Variants in UBR7 observed in about 807,000 individuals in gnomAD.
UBR7 encodes the protein putative E3 ubiquitin-protein ligase UBR7.
A neutral mutation model predicts 57.0 loss-of-function variants in UBR7; 22 were observed. The observed-to-expected ratio is 0.39, with a 90% confidence interval of 0.28 to 0.55. UBR7 has a LOEUF of 0.55. Ranked by LOEUF, UBR7 falls within the 20% of genes least tolerant of loss-of-function variation. The probability of loss-of-function intolerance (pLI) is 0.69; values close to 1 mark genes in which losing one functional copy is unlikely to be tolerated. For synonymous variants in UBR7, 167 were observed against 179.8 expected (o/e 0.93, Z 0.57); for missense variants, 395 against 513.2 (o/e 0.77, Z 2.23).
chr14:93,218,273 T>C (rs10132449), intron 6 of UBR7, among the ~76,000 whole-genome samples: 27,985 of 151,750 alleles, frequency 0.18, 2,717 homozygotes, highest in African/African-American at 0.22. Flanking sequence ...TAGCCAGTCA[T>C]GGTGGCACGC....
At chr14:93,222,057 T>G (rs1894719542) in intron 9 of UBR7, among the ~76,000 whole-genome samples, 1 of 152,020 alleles carries the variant, frequency 6.6e-6, no homozygotes, top group South Asian at 2.1e-4. Flanking sequence ...TTCTTAATCT[T>G]TATGGGATTA....
intron 8 of UBR7, 51 bp downstream of exon 8, chr14:93,219,412 C>T: frequency 6.2e-7 from 1 of 1,609,090 alleles, no homozygotes; most frequent in Non-Finnish European, 8.5e-7. Context: ...TACTGGTGCC[C>T]CAAAATAAGA....
intron 10 of UBR7, among the ~76,000 whole-genome samples, chr14:93,222,612 G>A (rs1405064481): frequency 6.6e-6 from 1 of 152,010 alleles, no homozygotes; most frequent in African/African-American, 2.4e-5. Flanking sequence ...GCGTGGTGAT[G>A]GGCGCCTGTA....
intron 8 of UBR7, among the ~76,000 whole-genome samples, chr14:93,220,031 A>C (rs948045512): frequency 1.3e-5 from 2 of 152,162 alleles, no homozygotes; most frequent in African/African-American, 4.8e-5. Flanking sequence ...CTCATAGACC[A>C]TATGACATCT....
chr14:93,221,952 A>G (rs1894717304), intron 9 of UBR7, among the ~76,000 whole-genome samples: 1 of 148,684 alleles, frequency 6.7e-6, no homozygotes, highest in African/African-American at 2.6e-5. Context: ...CTCCATCTCA[A>G]AAAATAAAAT....
intron 8 of UBR7, among the ~76,000 whole-genome samples, chr14:93,219,876 A>G (rs1894669170): frequency 6.6e-6 from 1 of 152,172 alleles, no homozygotes; most frequent in South Asian, 2.1e-4. Flanking sequence ...TTGGGAGGCC[A>G]AGGCAGGAGA....
intron 10 of UBR7, 145 bp from the exon 11 acceptor site, chr14:93,226,792 CAAAAAA>C: frequency 1.3e-4 from 44 of 343,232 alleles, no homozygotes; most frequent in East Asian, 2.1e-4. Context: ...CACTCCATCT[CAAAAAA>C]AAAAAAAAAA....
chr14:93,227,812 C>T lies in UBR7; in HGVS notation c.*777C>T, dbSNP rs989960362. The T allele has an allele frequency of 8.6e-6, 6 of 700,646 alleles. No individual in the cohort carries two copies. The highest frequency in any genetic ancestry group is 2.7e-5 in the East Asian group (1 of 37,308). 43.4% of individuals were successfully genotyped at this position (700,646 alleles called of 1,614,324 possible). ...CAGGGCTTCCTGGAGAACATTTGCC[C>T]GTATACTAGTCCCTTCTCTGCTGCC... On this transcript the variant is annotated 3_prime_UTR_variant, in exon 11 of 11. Coordinates refer to ENST00000013070, the MANE Select transcript of UBR7 (RefSeq NM_175748.4).
chr14:93,223,227 T>C (rs1894747212), intron 10 of UBR7, among the ~76,000 whole-genome samples: 3 of 151,946 alleles, frequency 2.0e-5, no homozygotes, highest in African/African-American at 4.8e-5. Flanking sequence ...TGAAACCTTG[T>C]CTCTACAAAA....
intron 10 of UBR7, chr14:93,223,889 C>G: frequency 1.4e-6 from 1 of 736,864 alleles, no homozygotes; most frequent in Non-Finnish European, 2.5e-6. Flanking sequence ...GGAGTCATAG[C>G]TCAGCCAGAT....
chr14:93,223,580 C>G, intron 10 of UBR7: 1 of 894,952 alleles, frequency 1.1e-6, no homozygotes, highest in Non-Finnish European at 1.8e-6. Context: ...GGGGCACACC[C>G]GGGCGAGGGC....
At chr14:93,225,904 C>T (rs1009595320) in intron 10 of UBR7, among the ~76,000 whole-genome samples, 6 of 152,264 alleles carry the variant, frequency 3.9e-5, no homozygotes, top group African/African-American at 1.2e-4. Context: ...GGGACAGATC[C>T]TTCATTTTGC....
chr14:93,222,421 T>G (rs1894727596), intron 10 of UBR7, 47 bp downstream of exon 10: 1 of 1,375,724 alleles, frequency 7.3e-7, no homozygotes, highest in Non-Finnish European at 1.0e-6. Flanking sequence ...AAGTTTTGAA[T>G]GAAGGGTTTA....
intron 10 of UBR7, among the ~76,000 whole-genome samples, chr14:93,224,372 C>CTT (rs761189322): frequency 1.7e-3 from 159 of 93,782 alleles, no homozygotes; most frequent in Admixed American, 2.3e-3. Flanking sequence ...CCTTACAGTT[C>CTT]TTTTTTTTTT....
At chr14:93,215,313 A>G in intron 6 of UBR7, 32 bp downstream of exon 6, 1 of 1,526,380 alleles carries the variant, frequency 6.6e-7, no homozygotes, top group Non-Finnish European at 8.9e-7. Context: ...GTGTGCCACA[A>G]ACTTGTGCTT....
intron 10 of UBR7, among the ~76,000 whole-genome samples, chr14:93,226,278 A>G (rs866474172): frequency 1.9e-4 from 29 of 152,026 alleles, no homozygotes; most frequent in Middle Eastern, 3.4e-3. Flanking sequence ...CACGTGCTCT[A>G]TTTTTCTTTC....
chr14:93,223,888 G>T (rs1457377065), intron 10 of UBR7: 2 of 736,606 alleles, frequency 2.7e-6, no homozygotes, highest in Non-Finnish European at 5.0e-6. Context: ...GGGAGTCATA[G>T]CTCAGCCAGA....
rs925623367 is a variant in UBR7, at chr14:93,220,705, C to T, written c.1123+294C>T. On this transcript the variant is annotated intron_variant, in intron 9 of 10. Coordinates refer to ENST00000013070, the MANE Select transcript of UBR7 (RefSeq NM_175748.4). ...GAAACAATTTTTGGACATTATGTGT[C>T]ATGTTCTTGAGCAAGGCATGTCACC... 2.0e-5 allele frequency among the ~76,000 whole-genome samples: 3 copies of T among 152,088 alleles called. No homozygotes were observed. The South Asian group carries it at 6.2e-4, about 32-fold the overall frequency.
rs1004699312 is a variant in UBR7, at chr14:93,228,990, C to T, written c.*1955C>T. 4.4e-6 allele frequency: 2 copies of T among 453,892 alleles called. No individual in the cohort carries two copies. Among genetic ancestry groups the T allele is most frequent in the Admixed American group, 2.4e-5 (1 of 42,534 alleles). The allele number at this position is 453,892 out of a possible 1,614,324, so 28.1% of individuals were successfully genotyped here. On this transcript the variant is annotated 3_prime_UTR_variant, in exon 11 of 11. Coordinates refer to ENST00000013070, the MANE Select transcript of UBR7 (RefSeq NM_175748.4). ...AACCTCTTTTTTTACCTGTTGTTCA[C>T]AACTAGTTTTCTTATTGACTGTATT...
Sources: gnomAD v4.1 joint callset for allele counts (sites outside exome capture counted in the v4.1 genomes callset) on GRCh38, gnomAD v4.1.1 for gene constraint, MANE v1.5 for transcripts, NCBI Gene and HGNC (gene_info 2026-07-23, HGNC 2026-07-21) for gene names.